Variants in FAM168A observed in about 807,000 individuals in gnomAD.
FAM168A encodes the protein family with sequence similarity 168 member A.
Under a neutral mutation model 28.5 loss-of-function variants are expected in FAM168A, and 3 were observed. The observed-to-expected ratio is 0.11, with a 90% confidence interval of 0.05 to 0.27. The LOEUF (loss-of-function observed/expected upper bound fraction) is 0.27, where lower values mean the gene tolerates loss of function less well. Ranked by LOEUF, FAM168A falls within the 10% of genes least tolerant of loss-of-function variation. The probability of loss-of-function intolerance (pLI) is 1.00; values close to 1 mark genes in which losing one functional copy is unlikely to be tolerated. For missense variants in FAM168A, 222 were observed against 311.5 expected (o/e 0.71, Z 2.16); for synonymous variants, 122 against 124.2 (o/e 0.98, Z 0.12).
intron 1 of FAM168A, among the ~76,000 whole-genome samples, chr11:73,538,102 C>T (rs1333831975): frequency 6.6e-6 from 1 of 152,052 alleles, no homozygotes; most frequent in Non-Finnish European, 1.5e-5. Flanking sequence ...AAATGACTTA[C>T]CCAAGGTCTG....
intron 2 of FAM168A, 55 bp from the exon 3 acceptor site, chr11:73,430,825 C>T: frequency 7.1e-7 from 1 of 1,413,344 alleles, no homozygotes; most frequent in Non-Finnish European, 9.6e-7. Context: ...CAAAACAAAA[C>T]AAAACAAAAC....
chr11:73,533,413 T>A (rs1171977962), intron 1 of FAM168A, among the ~76,000 whole-genome samples: 1 of 152,194 alleles, frequency 6.6e-6, no homozygotes, highest in African/African-American at 2.4e-5. Context: ...CACACTTTAC[T>A]ACTAGTAGAG....
chr11:73,422,350 G>C (rs1317307146), intron 3 of FAM168A, among the ~76,000 whole-genome samples: 1 of 152,106 alleles, frequency 6.6e-6, no homozygotes, highest in East Asian at 1.9e-4. Flanking sequence ...CAAAGAAAAT[G>C]AATTAGTGTT....
chr11:73,464,533 T>C (rs74899613), intron 2 of FAM168A, among the ~76,000 whole-genome samples: 3 of 151,958 alleles, frequency 2.0e-5, no homozygotes, highest in Non-Finnish European at 2.9e-5. Flanking sequence ...TGAACTGGAG[T>C]GGGCTAGCAG....
At chr11:73,476,668 A>G (rs1867892994) in intron 1 of FAM168A, among the ~76,000 whole-genome samples, 1 of 152,200 alleles carries the variant, frequency 6.6e-6, no homozygotes, top group East Asian at 1.9e-4. Flanking sequence ...CAAAGCAGCT[A>G]TTACAAATGT....
intron 1 of FAM168A, among the ~76,000 whole-genome samples, chr11:73,532,874 CTTGGACAAGTCAT>C (rs1943531243): frequency 1.3e-5 from 2 of 152,162 alleles, no homozygotes; most frequent in Non-Finnish European, 2.9e-5. Context: ...TTCAGGTGAA[CTTGGACAAGTCAT>C]TTAATCTCTC....
chr11:73,591,902 T>C (rs1226654591), intron 1 of FAM168A, among the ~76,000 whole-genome samples: 5 of 152,272 alleles, frequency 3.3e-5, no homozygotes, highest in South Asian at 2.1e-4. Flanking sequence ...GCCATTATAT[T>C]TGCATAAGTA....
At chr11:73,511,196 C>T (rs1237990092) in intron 1 of FAM168A, among the ~76,000 whole-genome samples, 2 of 151,782 alleles carry the variant, frequency 1.3e-5, no homozygotes, top group Non-Finnish European at 2.9e-5. Context: ...TTTCCTCCCT[C>T]GGGTAAAGGG....
At chr11:73,548,570 T>C (rs1007074735) in intron 1 of FAM168A, among the ~76,000 whole-genome samples, 1 of 152,206 alleles carries the variant, frequency 6.6e-6, no homozygotes, top group African/African-American at 2.4e-5. Flanking sequence ...CTTTCTTGAA[T>C]CCCTCTCCCC....
intron 1 of FAM168A, among the ~76,000 whole-genome samples, chr11:73,519,063 C>A (rs553981216): frequency 2.8e-4 from 42 of 152,286 alleles, no homozygotes; most frequent in African/African-American, 9.6e-4. Context: ...AGCCCCTTTT[C>A]TTTATAAATT....
At chr11:73,418,954 G>A (rs964590960) in intron 4 of FAM168A, among the ~76,000 whole-genome samples, 3 of 151,816 alleles carry the variant, frequency 2.0e-5, no homozygotes, top group African/African-American at 2.4e-5. Context: ...GACTACAGGC[G>A]CCCACCACCA....
chr11:73,586,358 A>T (rs1389165317), intron 1 of FAM168A, among the ~76,000 whole-genome samples: 2 of 152,186 alleles, frequency 1.3e-5, no homozygotes, highest in Middle Eastern at 3.2e-3. Flanking sequence ...AGGCAGGATG[A>T]TCACTTGAGT....
intron 1 of FAM168A, among the ~76,000 whole-genome samples, chr11:73,529,742 A>T (rs1943492467): frequency 6.7e-6 from 1 of 149,976 alleles, no homozygotes; most frequent in East Asian, 1.9e-4. Context: ...CTAGAGAAAC[A>T]CCTAACTTTC....
In FAM168A at chr11:73,409,469, TG is replaced by T. The variant is rs759623446; in HGVS notation, c.595+17del. The T allele has an allele frequency of 1.2e-6, 2 of 1,612,984 alleles. No homozygotes were observed. The highest frequency in any genetic ancestry group is 1.7e-6 in the Non-Finnish European group (2 of 1,179,570). ...CCTAGAGGAAAGGGATGGACACTGA[TG>T]CAGATGCTGCCCTCACCTGCTGACA... On this transcript the variant is annotated intron_variant, in intron 6 of 7. Transcript: ENST00000356467.
intron 1 of FAM168A, among the ~76,000 whole-genome samples, chr11:73,556,333 A>G (rs1047935766): frequency 7.9e-5 from 12 of 151,946 alleles, no homozygotes; most frequent in African/African-American, 2.9e-4. Flanking sequence ...TGGATGACAA[A>G]GTGAGAATTG....
At chr11:73,535,689 G>T (rs1450148597) in intron 1 of FAM168A, among the ~76,000 whole-genome samples, 2 of 150,826 alleles carry the variant, frequency 1.3e-5, no homozygotes, top group Non-Finnish European at 2.9e-5. Flanking sequence ...AAAGTGTTGG[G>T]ATTACAGGCG....
chr11:73,459,879 ATTTT>A (rs918564469), intron 2 of FAM168A, among the ~76,000 whole-genome samples: 3 of 108,448 alleles, frequency 2.8e-5, no homozygotes, highest in Non-Finnish European at 5.4e-5. Flanking sequence ...ATCCAAATGA[ATTTT>A]TTTTTTTTTT....
chr11:73,509,061 A>G (rs1362655420), intron 1 of FAM168A, among the ~76,000 whole-genome samples: 1 of 152,200 alleles, frequency 6.6e-6, no homozygotes. Flanking sequence ...CTGTGAGTCC[A>G]TTAAACCTCT....
intron 1 of FAM168A, among the ~76,000 whole-genome samples, chr11:73,527,639 T>G (rs1041635593): frequency 6.6e-6 from 1 of 152,136 alleles, no homozygotes; most frequent in Non-Finnish European, 1.5e-5. Flanking sequence ...CTCATTTTAA[T>G]GAGAAAACTG....
Sources: allele counts gnomAD v4.1 joint callset (sites outside exome capture counted in the v4.1 genomes callset), GRCh38; gene constraint gnomAD v4.1.1; transcripts MANE v1.5; gene names NCBI Gene and HGNC (gene_info 2026-07-23, HGNC 2026-07-21).